PUDP: variants seen among roughly 807,000 people sequenced by gnomAD.
PUDP encodes the protein pseudouridine-5'-phosphatase.
A neutral mutation model predicts 9.4 loss-of-function variants in PUDP; 8 were observed. The ratio of observed to expected loss-of-function variants is 0.85; its 90% CI spans 0.50 to 1.53. The LOEUF (loss-of-function observed/expected upper bound fraction) is 1.53. PUDP is among the 40% of genes most tolerant of loss of function. The probability of loss-of-function intolerance (pLI) is 0.00; values close to 1 mark genes in which losing one functional copy is unlikely to be tolerated. For synonymous variants in PUDP, 99 were observed against 80.7 expected (o/e 1.23, Z -1.22); for missense variants, 188 against 189.7 (o/e 0.99, Z 0.05).
intron 3 of PUDP, among the ~76,000 whole-genome samples, chrX:6,936,021 C>T (rs1400310968): frequency 9.1e-5 from 10 of 110,377 alleles, no homozygotes; most frequent in African/African-American, 3.3e-4. Context: ...GAGTCCAGGA[C>T]CAGGTGGATT....
At chrX:7,000,255 A>G (rs993942734) in intron 1 of PUDP, among the ~76,000 whole-genome samples, 10 of 111,690 alleles carry the variant, frequency 9.0e-5, no homozygotes, top group Non-Finnish European at 1.9e-4. Context: ...ACAAACTTAA[A>G]CTTAAATGTT....
At chrX:7,030,733 A>T (rs757534988) in intron 1 of PUDP, among the ~76,000 whole-genome samples, 1 of 111,263 alleles carries the variant, frequency 9.0e-6, no homozygotes, top group South Asian at 3.9e-4. Flanking sequence ...CTCAGACGTT[A>T]CTGGCTCTAA....
chrX:6,738,616 A>G (rs1191369890), intron 3 of PUDP, among the ~76,000 whole-genome samples: 1 of 111,927 alleles, frequency 8.9e-6, no homozygotes. Flanking sequence ...TTCTTTCCCT[A>G]GGGACATTTG....
intron 3 of PUDP, 65 bp downstream of exon 3, chrX:7,077,150 AACACT>A: frequency 2.6e-6 from 3 of 1,144,791 alleles, no homozygotes; most frequent in South Asian, 2.0e-5. Context: ...ACATTTAGCA[AACACT>A]ACATGGATAT....
intron 3 of PUDP, among the ~76,000 whole-genome samples, chrX:6,735,291 A>G (rs1430228911): frequency 9.0e-6 from 1 of 111,334 alleles, no homozygotes; most frequent in African/African-American, 3.3e-5. Flanking sequence ...GGCTGAGACC[A>G]TCTACACTTG....
At chrX:6,799,047 A>G (rs1441460184) in intron 3 of PUDP, among the ~76,000 whole-genome samples, 1 of 112,450 alleles carries the variant, frequency 8.9e-6, no homozygotes, top group Non-Finnish European at 1.9e-5. Context: ...AGCCCCCCAA[A>G]GCTCTAGGAT....
At chrX:6,792,907 G>T (rs892429470) in intron 3 of PUDP, among the ~76,000 whole-genome samples, 1 of 113,070 alleles carries the variant, frequency 8.8e-6, no homozygotes, top group African/African-American at 3.2e-5. Flanking sequence ...ATTACACGTG[G>T]TTAACTTAGC....
intron 1 of PUDP, among the ~76,000 whole-genome samples, chrX:7,121,394 C>T (rs1932339790): frequency 9.0e-6 from 1 of 111,577 alleles, no homozygotes; most frequent in Non-Finnish European, 1.9e-5. Flanking sequence ...TGTTTTGGGG[C>T]TCTTGTCCCC....
intron 3 of PUDP, among the ~76,000 whole-genome samples, chrX:6,955,146 T>C (rs1267557243): frequency 8.9e-6 from 1 of 112,318 alleles, no homozygotes; most frequent in Middle Eastern, 4.2e-3. Context: ...CTGAACAAGA[T>C]TAAATTCTTT....
chrX:6,862,794 C>T (rs1013070365), intron 3 of PUDP, among the ~76,000 whole-genome samples: 2 of 111,028 alleles, frequency 1.8e-5, no homozygotes, highest in African/African-American at 6.6e-5. Flanking sequence ...GCCAACATTG[C>T]CAATGTTGGC....
intron 1 of PUDP, chrX:7,117,037 G>A: frequency 8.6e-7 from 1 of 1,166,000 alleles, no homozygotes; most frequent in Non-Finnish European, 1.1e-6. Context: ...TGTATAACCT[G>A]CAGAAATGTG....
chrX:7,086,476 G>T (rs758201269), intron 2 of PUDP, among the ~76,000 whole-genome samples: 8 of 111,910 alleles, frequency 7.1e-5, no homozygotes, highest in Non-Finnish European at 1.5e-4. Flanking sequence ...ACTACTGTGC[G>T]CTTTTTAGTT....
chrX:6,752,414 T>C (rs1278308489), intron 3 of PUDP, among the ~76,000 whole-genome samples: 1 of 111,754 alleles, frequency 8.9e-6, no homozygotes, highest in Non-Finnish European at 1.9e-5. Flanking sequence ...GTAGGGGCCA[T>C]GAAAAGCCAC....
At chrX:6,842,401 C>A (rs1926685761) in intron 3 of PUDP, among the ~76,000 whole-genome samples, 1 of 111,436 alleles carries the variant, frequency 9.0e-6, no homozygotes, top group South Asian at 3.8e-4. Context: ...ACTCTATCTG[C>A]AATGGTAAAC....
At chrX:6,872,179 T>G (rs1274943771) in intron 3 of PUDP, among the ~76,000 whole-genome samples, 2 of 111,051 alleles carry the variant, frequency 1.8e-5, no homozygotes, top group African/African-American at 6.5e-5. Context: ...TTGCAGGGGG[T>G]GGACACAAAC....
intron 1 of PUDP, among the ~76,000 whole-genome samples, chrX:7,137,501 C>T (rs569133003): frequency 2.1e-3 from 231 of 111,508 alleles, no homozygotes; most frequent in African/African-American, 2.0e-3. Context: ...GAGCCGAGAT[C>T]GCACCACTGC....
chrX:7,110,984 G>C (rs775187236), intron 1 of PUDP, among the ~76,000 whole-genome samples: 1 of 111,979 alleles, frequency 8.9e-6, no homozygotes, highest in African/African-American at 3.2e-5. Flanking sequence ...GGCTTAGCTT[G>C]GGCTCAGAGG....
At chrX:7,029,973 G>A (rs1929770609) in intron 1 of PUDP, among the ~76,000 whole-genome samples, 1 of 110,133 alleles carries the variant, frequency 9.1e-6, no homozygotes, top group African/African-American at 3.3e-5. Flanking sequence ...CTGTGGGTGT[G>A]TGTCTGCTTG....
Position 7,077,236 on chromosome X carries a change from G to C in PUDP, c.494C>G (p.Pro165Arg). 8.4e-7 allele frequency: 1 copy of C among 1,195,466 alleles called. No homozygotes were observed. Among genetic ancestry groups the C allele is most frequent in the East Asian group, 3.0e-5 (1 of 32,983 alleles). Reference sequence around the variant, plus strand: ...CCCACTTACCTTCTCCATAGCAGGAGGGGGAGAGAACCTCTTGGCACAAGC... The same window carrying C: ...CCCACTTACCTTCTCCATAGCAGGACGGGGAGAGAACCTCTTGGCACAAGC... ...FLACAKRFSP[P>R]PAMEKCLVFE... Residue 165 changes from proline to arginine, a missense_variant, in exon 3 of 4, where the codon CCT becomes CGT. Pro to Arg is a moderately radical substitution (Grantham distance 103). Transcript: ENST00000381077.
Sources: allele counts gnomAD v4.1 joint callset (sites outside exome capture counted in the v4.1 genomes callset), GRCh38; gene constraint gnomAD v4.1.1; transcripts MANE v1.5; gene names NCBI Gene and HGNC (gene_info 2026-07-23, HGNC 2026-07-21).